The following MRPS35 variants were observed in gnomAD, a reference collection of about 807,000 sequenced individuals.
MRPS35 encodes the protein mitochondrial ribosomal protein S35, also known as small ribosomal subunit protein mS35.
Under a neutral mutation model 32.7 loss-of-function variants are expected in MRPS35, and 29 were observed. The observed-to-expected ratio is 0.89, with a 90% CI of 0.66 to 1.21. MRPS35 has a LOEUF of 1.21. MRPS35 is among the 50% of genes most tolerant of loss of function. The pLI, the probability that MRPS35 is intolerant of heterozygous loss-of-function variation, is 0.00. For missense variants in MRPS35, 373 were observed against 383.8 expected, an observed-to-expected ratio of 0.97 and a Z score of 0.23; for synonymous variants, 148 against 139.3, an observed-to-expected ratio of 1.06 and a Z score of -0.44.
At chr12:27,716,105 T>G (rs976657762) in intron 2 of MRPS35, among the ~76,000 whole-genome samples, 186 bp from the exon 3 acceptor site, 6 of 152,116 alleles carry the variant, frequency 3.9e-5, no homozygotes, top group Admixed American at 6.6e-5. Context: ...GCAGAGATAT[T>G]TAGGTAGATT....
At position 27,726,210 on chromosome 12, in the gene MRPS35, T is replaced by C. The variant is rs961142056; in HGVS notation, c.522+2024T>C. ...AGCCCCTTTTAGCCACTAATCTACT[T>C]TTTGTCTCTGGATTTACCTATTCTT... On this transcript the variant is annotated intron_variant, in intron 5 of 7. Transcript: ENST00000081029. Among the ~76,000 whole-genome samples, 18 of 152,190 alleles carry C rather than the reference T, an allele frequency of 1.2e-4. No individual in the cohort carries two copies. In the East Asian group the frequency reaches 3.1e-3, roughly 26 times the overall value.
intron 5 of MRPS35, among the ~76,000 whole-genome samples, chr12:27,730,766 C>T (rs4931360): frequency 0.51 from 77,260 of 151,862 alleles, 19,916 homozygotes; most frequent in Admixed American, 0.63. Context: ...GCCACTGTGC[C>T]GGCCATGATT....
At chr12:27,728,261 T>A (rs2061908181) in intron 5 of MRPS35, among the ~76,000 whole-genome samples, 1 of 152,146 alleles carries the variant, frequency 6.6e-6, no homozygotes, top group African/African-American at 2.4e-5. Flanking sequence ...TTGGCTACTT[T>A]ACCAAATTCT....
At chr12:27,745,225 A>G (rs2061978003) in intron 7 of MRPS35, among the ~76,000 whole-genome samples, 1 of 152,234 alleles carries the variant, frequency 6.6e-6, no homozygotes. Context: ...TTTGAAGGTG[A>G]AGAATCAAAC....
At chr12:27,713,092 GTCTC>G (rs1293052567) in intron 1 of MRPS35, among the ~76,000 whole-genome samples, 1 of 152,280 alleles carries the variant, frequency 6.6e-6, no homozygotes, top group South Asian at 2.1e-4. Context: ...TTTTCTCTCT[GTCTC>G]TCTCTGTTCT....
chr12:27,714,024 G>A (rs1034930587), intron 1 of MRPS35, among the ~76,000 whole-genome samples: 3 of 147,436 alleles, frequency 2.0e-5, no homozygotes, highest in Non-Finnish European at 4.4e-5. Flanking sequence ...GCAGTAAGCC[G>A]AGATTGCACC....
intron 5 of MRPS35, among the ~76,000 whole-genome samples, chr12:27,730,459 G>GT (rs745646933): frequency 1.3e-5 from 2 of 152,154 alleles, no homozygotes; most frequent in East Asian, 3.9e-4. Context: ...TGTTTTGTTT[G>GT]TTTTTTTGAG....
At chr12:27,727,816 A>C (rs1593468412) in intron 5 of MRPS35, among the ~76,000 whole-genome samples, 1 of 152,116 alleles carries the variant, frequency 6.6e-6, no homozygotes, top group South Asian at 2.1e-4. Context: ...GATTGGTTCC[A>C]GGAACGCTTG....
At chr12:27,712,411 T>C (rs569756002) in intron 1 of MRPS35, among the ~76,000 whole-genome samples, 1 of 152,220 alleles carries the variant, frequency 6.6e-6, no homozygotes, top group African/African-American at 2.4e-5. Flanking sequence ...ACTGATATAA[T>C]GTGATTTACG....
At chr12:27,746,700 TA>T (rs1292679205) in intron 7 of MRPS35, among the ~76,000 whole-genome samples, 2 of 152,224 alleles carry the variant, frequency 1.3e-5, no homozygotes, top group Non-Finnish European at 2.9e-5. Context: ...ATTATATACT[TA>T]AAAGACCTTT....
chr12:27,744,978 C>T (rs1389091691), intron 7 of MRPS35, among the ~76,000 whole-genome samples: 2 of 152,086 alleles, frequency 1.3e-5, no homozygotes, highest in Admixed American at 6.6e-5. Flanking sequence ...CACAGTGAGG[C>T]GGGGTCTCAC....
At chr12:27,710,993 G>C (rs1443943346) in intron 1 of MRPS35, 38 bp downstream of exon 1, 1 of 1,580,252 alleles carries the variant, frequency 6.3e-7, no homozygotes. Context: ...CTTTGGGGGA[G>C]GTGCAAGAGC....
In MRPS35 at chr12:27,710,891, A is replaced by G. The variant is rs748964594; in HGVS notation, c.48A>G (p.Ala16=). The change falls in exon 1 of 8, where the codon GCA becomes GCG. Residue 16 remains alanine (A), a synonymous_variant. Coordinates refer to ENST00000081029, the MANE Select transcript of MRPS35 (RefSeq NM_021821.4). The part of the protein sequence containing the change: ...LPAWLSLQSR[A]RTLRAFSTAV... ...CATGGCTGTCTCTGCAGTCGAGGGC[A>G]AGGACTCTGCGTGCATTCTCCACTG... The G allele has an allele frequency of 5.6e-6, 9 of 1,612,568 alleles. No homozygotes were observed. Among genetic ancestry groups the G allele is most frequent in the Non-Finnish European group, 7.6e-6 (9 of 1,179,924 alleles).
At chr12:27,718,465 C>T (rs1253255244) in intron 3 of MRPS35, among the ~76,000 whole-genome samples, 1 of 152,120 alleles carries the variant, frequency 6.6e-6, no homozygotes, top group East Asian at 1.9e-4. Flanking sequence ...TGGCATAATT[C>T]GTGGAGTAAC....
chr12:27,720,449 G>A (rs991720554), intron 4 of MRPS35, among the ~76,000 whole-genome samples: 1 of 150,506 alleles, frequency 6.6e-6, no homozygotes, highest in Admixed American at 6.6e-5. Flanking sequence ...TAAAGTAAAT[G>A]TTGCAGATAC....
intron 5 of MRPS35, among the ~76,000 whole-genome samples, chr12:27,727,476 C>T (rs2140764104): frequency 6.6e-6 from 1 of 152,120 alleles, no homozygotes; most frequent in Non-Finnish European, 1.5e-5. Flanking sequence ...AGGTTTGTAG[C>T]CAAGGAGCAA....
chr12:27,754,179 A>T (rs778082241), intron 7 of MRPS35, among the ~76,000 whole-genome samples: 1 of 151,916 alleles, frequency 6.6e-6, no homozygotes, highest in Non-Finnish European at 1.5e-5. Flanking sequence ...GCTTGAATCC[A>T]GGAGGCAGAG....
Position 27,710,979 on chromosome 12 carries a change from T to G in MRPS35, c.112+24T>G, listed in dbSNP as rs775720908. The G allele has an allele frequency of 1.2e-5, 19 of 1,599,352 alleles. No homozygotes were observed. In the Admixed American group the frequency reaches 3.0e-4, roughly 26 times the overall value. The stretch of plus-strand genomic sequence containing the variant: ...GCGTGAGTGTCTGTCTCGTCTTCTC[T>G]GGGCTTTGGGGGAGGTGCAAGAGCG... On this transcript the variant is annotated intron_variant, in intron 1 of 7. Coordinates refer to ENST00000081029, the MANE Select transcript of MRPS35 (RefSeq NM_021821.4).
chr12:27,743,501 C>T (rs1250168192), intron 7 of MRPS35, among the ~76,000 whole-genome samples: 1 of 152,022 alleles, frequency 6.6e-6, no homozygotes, highest in African/African-American at 2.4e-5. Flanking sequence ...GCACTCCAGC[C>T]TGGGCAACAA....
Sources: gnomAD v4.1 joint callset for allele counts (sites outside exome capture counted in the v4.1 genomes callset) on GRCh38, gnomAD v4.1.1 for gene constraint, MANE v1.5 for transcripts, NCBI Gene and HGNC (gene_info 2026-07-23, HGNC 2026-07-21) for gene names.